The following HSF2BP variants were observed in gnomAD, a reference collection of about 807,000 sequenced individuals.
The protein encoded by HSF2BP is heat shock transcription factor 2 binding protein.
Under a neutral mutation model 35.0 loss-of-function variants are expected in HSF2BP, and 35 were observed. That is an observed-to-expected ratio of 1.00 (90% confidence interval 0.76 to 1.32). HSF2BP has a LOEUF of 1.32. Ranked by LOEUF, HSF2BP falls within the 40% of genes most tolerant of loss-of-function variation. The pLI is 0.00. For missense variants in HSF2BP, 326 were observed against 321.7 expected, an observed-to-expected ratio of 1.01 and a Z score of -0.10; for synonymous variants, 114 against 117.4, an observed-to-expected ratio of 0.97 and a Z score of 0.18.
intron 7 of HSF2BP, among the ~76,000 whole-genome samples, chr21:43,609,151 C>T (rs1012897033): frequency 7.9e-5 from 12 of 152,218 alleles, no homozygotes; most frequent in African/African-American, 2.9e-4. Context: ...AGGCTGCCTC[C>T]ACTTATCTTA....
the HSF2BP span, among the ~76,000 whole-genome samples, chr21:43,501,095 G>A: frequency 5.3e-5 from 6 of 114,242 alleles, no homozygotes; most frequent in Admixed American, 3.3e-4. Flanking sequence ...CTGTCTGAGG[G>A]GAGGATGGGG....
chr21:43,648,212 A>G (rs950283074), intron 3 of HSF2BP, among the ~76,000 whole-genome samples: 2 of 152,076 alleles, frequency 1.3e-5, no homozygotes, highest in African/African-American at 4.8e-5. Flanking sequence ...GTGCCCCAAG[A>G]GGCAGATGTG....
intron 7 of HSF2BP, among the ~76,000 whole-genome samples, chr21:43,594,601 G>A (rs1406938515): frequency 2.0e-5 from 3 of 152,044 alleles, no homozygotes; most frequent in Non-Finnish European, 4.4e-5. Flanking sequence ...ACTCAGAAAA[G>A]ATCTTAGTGA....
At chr21:43,604,248 ACACACAT>A (rs1337438082) in intron 7 of HSF2BP, among the ~76,000 whole-genome samples, 2 of 140,502 alleles carry the variant, frequency 1.4e-5, no homozygotes, top group Non-Finnish European at 3.1e-5. Flanking sequence ...CTCACCACTC[ACACACAT>A]CACACATACC....
chr21:43,658,688 C>T (rs1289945565), intron 1 of HSF2BP, among the ~76,000 whole-genome samples: 1 of 152,254 alleles, frequency 6.6e-6, no homozygotes, highest in Non-Finnish European at 1.5e-5. Context: ...GATTTCTTCC[C>T]TCTCTGGAAT....
At chr21:43,632,730 C>G (rs541244097) in intron 5 of HSF2BP, among the ~76,000 whole-genome samples, 1 of 152,236 alleles carries the variant, frequency 6.6e-6, no homozygotes, top group East Asian at 1.9e-4. Flanking sequence ...ATCTAACATA[C>G]AAAAAATGTG....
At chr21:43,585,136 A>T (rs1303471919) in intron 8 of HSF2BP, among the ~76,000 whole-genome samples, 1 of 151,866 alleles carries the variant, frequency 6.6e-6, no homozygotes, top group Non-Finnish European at 1.5e-5. Context: ...GTGAAACCTC[A>T]TCTCTACAAA....
intron 3 of HSF2BP, among the ~76,000 whole-genome samples, chr21:43,653,544 G>A (rs906115538): frequency 3.3e-5 from 5 of 152,222 alleles, no homozygotes; most frequent in African/African-American, 7.2e-5. Context: ...ACTCTGAGCC[G>A]GGGCTGTGCC....
chr21:43,645,719 A>G (rs1012881379), intron 3 of HSF2BP, among the ~76,000 whole-genome samples: 3 of 152,168 alleles, frequency 2.0e-5, no homozygotes, highest in African/African-American at 4.8e-5. Flanking sequence ...ACTCCACCCT[A>G]GAGGAGAAAA....
At chr21:43,589,262 T>C (rs2146769438) in intron 8 of HSF2BP, among the ~76,000 whole-genome samples, 1 of 152,270 alleles carries the variant, frequency 6.6e-6, no homozygotes, top group East Asian at 1.9e-4. Flanking sequence ...ATGTCTGCTA[T>C]ACACACATCC....
chr21:43,459,377 ATC>A, the HSF2BP span, among the ~76,000 whole-genome samples: 1 of 65,272 alleles, frequency 1.5e-5, no homozygotes, highest in Non-Finnish European at 3.1e-5. Flanking sequence ...TGGAGCCTAA[ATC>A]TCTCTCCACC....
intron 7 of HSF2BP, among the ~76,000 whole-genome samples, chr21:43,612,118 T>C (rs577705117): frequency 3.3e-5 from 5 of 152,296 alleles, no homozygotes; most frequent in African/African-American, 9.6e-5. Flanking sequence ...GAGAAAAGGC[T>C]GGCTGGAATC....
intron 8 of HSF2BP, among the ~76,000 whole-genome samples, chr21:43,574,076 G>A (rs1226847152): frequency 6.6e-6 from 1 of 152,092 alleles, no homozygotes; most frequent in Non-Finnish European, 1.5e-5. Context: ...CAAGACCACT[G>A]TGGCGCTCTC....
At chr21:43,651,241 C>T (rs774754491) in intron 3 of HSF2BP, among the ~76,000 whole-genome samples, 3 of 152,178 alleles carry the variant, frequency 2.0e-5, no homozygotes, top group Non-Finnish European at 4.4e-5. Flanking sequence ...GAGCTTATCT[C>T]ATTTTAAGCT....
chr21:43,612,089 G>C (rs932587538), intron 7 of HSF2BP, among the ~76,000 whole-genome samples: 27 of 152,088 alleles, frequency 1.8e-4, no homozygotes, highest in Admixed American at 7.2e-4. Context: ...AAAACAGGAC[G>C]ACACACTGAA....
rs2082002774 is a variant in HSF2BP at position 43,597,651 on chromosome 21, G to A, written c.693-5323C>T. ...TTCTCCTGCCTCAGCCTCCTGAGTAGCTGAGACTACAGGCATGTGCCACCA... is the reference window on the plus strand; with the variant it reads ...TTCTCCTGCCTCAGCCTCCTGAGTAACTGAGACTACAGGCATGTGCCACCA... On this transcript the variant is annotated intron_variant, in intron 7 of 8. Coordinates refer to ENST00000291560, the MANE Select transcript of HSF2BP (RefSeq NM_007031.2). The surrounding 1 kb of genome is among the most constrained non-coding windows in gnomAD (Gnocchi z 4.3). Among the ~76,000 whole-genome samples, 1 of 152,098 alleles carries A rather than the reference G, an allele frequency of 6.6e-6. No homozygotes were observed.
intron 3 of HSF2BP, among the ~76,000 whole-genome samples, chr21:43,644,908 T>C (rs2082688403): frequency 6.6e-6 from 1 of 152,120 alleles, no homozygotes; most frequent in South Asian, 2.1e-4. Context: ...GAAAATGCTA[T>C]AGTGAAAGAG....
chr21:43,630,509 C>T, intron 5 of HSF2BP, 55 bp from the exon 6 acceptor site: 1 of 1,556,678 alleles, frequency 6.4e-7, no homozygotes, highest in South Asian at 1.2e-5. Context: ...AGTGTGAAAA[C>T]ATTTTAAAAG....
intron 4 of HSF2BP, among the ~76,000 whole-genome samples, chr21:43,638,751 T>C (rs529473270): frequency 5.3e-5 from 8 of 152,344 alleles, no homozygotes; most frequent in African/African-American, 1.7e-4. Context: ...TCTACAAACG[T>C]ACCACAATTT....
Sources: gnomAD v4.1 joint callset for allele counts (sites outside exome capture counted in the v4.1 genomes callset) on GRCh38, gnomAD v4.1.1 for gene constraint, Gnocchi (gnomAD v3.1) non-coding constraint, MANE v1.5 for transcripts, NCBI Gene and HGNC (gene_info 2026-07-23, HGNC 2026-07-21) for gene names.